The following LVRN variants were observed in gnomAD, a reference collection of about 807,000 sequenced individuals.
LVRN encodes the protein aminopeptidase Q.
In LVRN, 99 loss-of-function variants were observed where a neutral mutation model predicts 111.4. The observed-to-expected ratio is 0.89, with a 90% CI of 0.76 to 1.05. LVRN has a LOEUF of 1.05. Among genes scored for constraint, LVRN ranks in the 50% least tolerant of loss-of-function variants. LVRN has a pLI of 0.00. For missense variants in LVRN, 1,414 were observed against 1,206.8 expected (o/e 1.17, Z -2.54); for synonymous variants, 488 against 449.5 (o/e 1.09, Z -1.08).
chr5:116,010,872 A>G lies in LVRN; in HGVS notation c.2225A>G (p.Tyr742Cys), dbSNP rs1009137644. ...GATCTTGTTTCTGAGGTGAACATCT[A>G]TGATATATACTCATTATTAAAGGTA... ...TRDLVSEVNI[Y>C]DIYSLLKRYL... The change falls in exon 14 of 20, where the codon TAT (tyrosine) becomes TGT (cysteine). Residue 742 changes from tyrosine to cysteine, a missense_variant. By Grantham distance (194) the Tyr-to-Cys change is radical. Coordinates refer to ENST00000357872, the MANE Select transcript of LVRN (RefSeq NM_173800.5). The G allele has an allele frequency of 6.2e-7, 1 of 1,607,166 alleles. No homozygotes were observed. The highest frequency in any genetic ancestry group is 2.2e-5 in the East Asian group (1 of 44,728).
intron 18 of LVRN, 21 bp downstream of exon 18, chr5:116,015,786 T>A (rs369612814): frequency 3.7e-6 from 6 of 1,610,866 alleles, no homozygotes; most frequent in Non-Finnish European, 5.1e-6. Context: ...AAGTGAGACC[T>A]TTCTTTCATT....
intron 1 of LVRN, among the ~76,000 whole-genome samples, chr5:115,973,269 G>A (rs1232857311): frequency 3.3e-5 from 5 of 152,140 alleles, no homozygotes; most frequent in Admixed American, 2.6e-4. Flanking sequence ...TGTTCTTGAT[G>A]CATTAGCCTT....
At chr5:116,022,497 G>T in intron 19 of LVRN, 31 bp downstream of exon 19, 2 of 1,438,832 alleles carry the variant, frequency 1.4e-6, no homozygotes, top group Non-Finnish European at 1.9e-6. Flanking sequence ...GAAATACAAT[G>T]ATAATTTGGA....
chr5:115,979,275 C>G (rs762941321), intron 1 of LVRN, among the ~76,000 whole-genome samples: 1 of 152,126 alleles, frequency 6.6e-6, no homozygotes, highest in African/African-American at 2.4e-5. Flanking sequence ...TTGGCCATAC[C>G]ATCAATTTCA....
chr5:116,013,807 C>G (rs897219665), intron 15 of LVRN, among the ~76,000 whole-genome samples: 3 of 152,182 alleles, frequency 2.0e-5, no homozygotes, highest in African/African-American at 7.2e-5. Flanking sequence ...TTGGTCTTCA[C>G]TGTATTCTTT....
At chr5:115,990,679 C>T (rs894345139) in intron 4 of LVRN, among the ~76,000 whole-genome samples, 4 of 152,220 alleles carry the variant, frequency 2.6e-5, no homozygotes, top group South Asian at 2.1e-4. Flanking sequence ...TCAAGTGATT[C>T]TCCTGCCTCA....
At chr5:115,969,563 C>T (rs888615040) in intron 1 of LVRN, among the ~76,000 whole-genome samples, 18 of 151,762 alleles carry the variant, frequency 1.2e-4, no homozygotes, top group African/African-American at 4.4e-4. Context: ...TTTGGGAGGC[C>T]GAGGCAGGTG....
Position 115,983,300 on chromosome 5 carries a change from TC to T in LVRN, c.712del (p.Gln238SerfsTer19). ...DQGERRALLA[S>X]QLEPTFARYV... Reference sequence around the variant, plus strand: ...AATGTATTTCAGGGCCCTGTTAGCGTCCCAGCTGGAACCAACATTTGCCAGG... The same window carrying T: ...AATGTATTTCAGGGCCCTGTTAGCGTCCAGCTGGAACCAACATTTGCCAGG... On this transcript the variant is annotated frameshift_variant, in exon 2 of 20. Transcript: ENST00000357872. LOFTEE classifies it high-confidence loss of function. The T allele has an allele frequency of 1.3e-6, 2 of 1,596,726 alleles. No homozygotes were observed. Among genetic ancestry groups the T allele is most frequent in the Non-Finnish European group, 1.7e-6 (2 of 1,174,822 alleles).
At chr5:116,022,492 A>G (rs770960341) in intron 19 of LVRN, 26 bp downstream of exon 19, 2 of 1,472,534 alleles carry the variant, frequency 1.4e-6, no homozygotes, top group Non-Finnish European at 1.9e-6. Context: ...ATTATGAAAT[A>G]CAATGATAAT....
chr5:116,008,605 T>G (rs1427277483), intron 13 of LVRN, among the ~76,000 whole-genome samples: 1 of 148,486 alleles, frequency 6.7e-6, no homozygotes, highest in Non-Finnish European at 1.5e-5. Flanking sequence ...CATGAATGAT[T>G]AAAAAAAAAA....
Position 116,026,232 on chromosome 5 carries a change from C to G in LVRN, c.*114C>G, listed in dbSNP as rs1748864787. 2 of 1,437,898 alleles carry G rather than the reference C, an allele frequency of 1.4e-6. No homozygotes were observed. Among genetic ancestry groups the G allele is most frequent in the African/African-American group, 2.9e-5 (2 of 69,706 alleles). 89.1% of individuals were successfully genotyped at this position (1,437,898 alleles called of 1,614,324 possible). A position where few individuals can be genotyped will look rare whatever the true frequency, so the allele number is the denominator to read the frequency against. On this transcript the variant is annotated 3_prime_UTR_variant, in exon 20 of 20. Transcript: ENST00000357872. Reference sequence around the variant, plus strand: ...CCACACATTTTATTTGTATTTCAGTCACATTTATTACTCAGAGTGCCATTC... The same window carrying G: ...CCACACATTTTATTTGTATTTCAGTGACATTTATTACTCAGAGTGCCATTC...
At chr5:115,990,676 A>T (rs535054120) in intron 4 of LVRN, among the ~76,000 whole-genome samples, 1 of 152,116 alleles carries the variant, frequency 6.6e-6, no homozygotes, top group South Asian at 2.1e-4. Flanking sequence ...AGTTCAAGTG[A>T]TTCTCCTGCC....
At chr5:115,978,130 G>T (rs1753485506) in intron 1 of LVRN, among the ~76,000 whole-genome samples, 1 of 152,176 alleles carries the variant, frequency 6.6e-6, no homozygotes, top group Admixed American at 6.5e-5. Flanking sequence ...ATCTGGCATG[G>T]TGATTAGGGT....
At chr5:116,016,840 C>G (rs143313581) in intron 18 of LVRN, among the ~76,000 whole-genome samples, 1 of 150,978 alleles carries the variant, frequency 6.6e-6, no homozygotes, top group Non-Finnish European at 1.5e-5. Context: ...ATTTTCCAAC[C>G]CTCTCATTTG....
At chr5:115,989,882 T>C (rs1364059117) in intron 4 of LVRN, among the ~76,000 whole-genome samples, 4 of 152,196 alleles carry the variant, frequency 2.6e-5, no homozygotes, top group African/African-American at 9.7e-5. Context: ...GTTTCTTAAT[T>C]GCTTTAACTC....
chr5:115,964,522 C>G (rs757499291), intron 1 of LVRN, among the ~76,000 whole-genome samples: 11 of 151,874 alleles, frequency 7.2e-5, no homozygotes, highest in African/African-American at 1.2e-4. Flanking sequence ...GTGAAGAAAT[C>G]TTTTGAAATT....
intron 18 of LVRN, among the ~76,000 whole-genome samples, chr5:116,018,620 C>T (rs764932122): frequency 4.0e-5 from 6 of 151,682 alleles, no homozygotes; most frequent in African/African-American, 1.2e-4. Context: ...TGCAGTGAGC[C>T]GAGATCACAC....
intron 1 of LVRN, among the ~76,000 whole-genome samples, chr5:115,980,069 C>G (rs1327751627): frequency 6.6e-6 from 1 of 152,086 alleles, no homozygotes; most frequent in East Asian, 1.9e-4. Context: ...GAAAGTTGCT[C>G]TGCAATACTG....
At chr5:115,966,683 C>T (rs1054057957) in intron 1 of LVRN, among the ~76,000 whole-genome samples, 4 of 152,154 alleles carry the variant, frequency 2.6e-5, no homozygotes, top group African/African-American at 4.8e-5. Flanking sequence ...GTCATTGCTG[C>T]GTCATATGGT....
Sources: allele counts gnomAD v4.1 joint callset (sites outside exome capture counted in the v4.1 genomes callset), GRCh38; gene constraint gnomAD v4.1.1; transcripts MANE v1.5; gene names NCBI Gene and HGNC (gene_info 2026-07-23, HGNC 2026-07-21).